Variants in SIL1 observed in about 807,000 individuals in gnomAD.
SIL1 encodes the protein nucleotide exchange factor SIL1.
In SIL1, 40 loss-of-function variants were observed where a neutral mutation model predicts 49.1. The ratio of observed to expected loss-of-function variants is 0.81; its 90% CI spans 0.63 to 1.06. The LOEUF is 1.06. SIL1 is among the 50% of genes least tolerant of loss of function. The pLI is 0.00. For synonymous variants in SIL1, 253 were observed against 250.8 expected (o/e 1.01, Z -0.08); for missense variants, 500 against 572.6 (o/e 0.87, Z 1.29).
chr5:139,030,965 TA>T (rs2150436506), intron 5 of SIL1, among the ~76,000 whole-genome samples: 1 of 152,330 alleles, frequency 6.6e-6, no homozygotes, highest in Admixed American at 6.5e-5. Flanking sequence ...TTGATTATGT[TA>T]AGATTGTTTT....
intron 2 of SIL1, among the ~76,000 whole-genome samples, chr5:139,126,648 A>G (rs1306089857): frequency 6.6e-6 from 1 of 152,218 alleles, no homozygotes; most frequent in Non-Finnish European, 1.5e-5. Context: ...ACAGGATCTC[A>G]GAGGGCATTA....
At chr5:139,012,629 T>C (rs1236813735) in intron 7 of SIL1, 3 of 152,266 alleles carry the variant, frequency 2.0e-5, no homozygotes, top group Admixed American at 6.5e-5. Context: ...TCATGATTTT[T>C]TCTTTTTTCT....
At chr5:139,092,494 G>A (rs1770363454) in intron 3 of SIL1, among the ~76,000 whole-genome samples, 1 of 152,194 alleles carries the variant, frequency 6.6e-6, no homozygotes, top group African/African-American at 2.4e-5. Context: ...AGGCGAAATG[G>A]AAGGGGATGC....
At position 139,054,038 on chromosome 5, in the gene SIL1, T is replaced by A. The variant is rs201790211; in HGVS notation, c.245-2992A>T. ...GCCCTTGCCTATAGTCCCAGCACTT[T>A]GGGAGGCTGAGACGAGGGGATCACC... On this transcript the variant is annotated intron_variant, in intron 3 of 9. Transcript: ENST00000394817. Among the ~76,000 whole-genome samples the A allele has an allele frequency of 1.5e-4, 23 of 152,338 alleles. No individual in the cohort carries two copies. The East Asian group carries it at 4.4e-3, about 29-fold the overall frequency.
At chr5:138,957,211 GCCCT>G (rs1281875709) in intron 7 of SIL1, among the ~76,000 whole-genome samples, 1 of 152,064 alleles carries the variant, frequency 6.6e-6, no homozygotes, top group South Asian at 2.1e-4. Context: ...CTCCAACACA[GCCCT>G]GTGTCACAAT....
At chr5:138,955,108 G>A (rs530865283) in intron 7 of SIL1, among the ~76,000 whole-genome samples, 2 of 152,202 alleles carry the variant, frequency 1.3e-5, no homozygotes, top group Non-Finnish European at 2.9e-5. Flanking sequence ...GGAGGGACCA[G>A]TCCTGCTGGC....
At chr5:139,127,917 G>T in intron 1 of SIL1, 64 bp from the exon 2 acceptor site, 1 of 1,015,600 alleles carries the variant, frequency 9.8e-7, no homozygotes, top group Non-Finnish European at 1.5e-6. Flanking sequence ...CCCCCGCACT[G>T]TGATTCCCAT....
intron 1 of SIL1, among the ~76,000 whole-genome samples, chr5:139,170,136 T>G (rs1010670437): frequency 6.6e-6 from 1 of 152,228 alleles, no homozygotes; most frequent in Non-Finnish European, 1.5e-5. Flanking sequence ...CCCGAGGTGC[T>G]GGGATTGCAG....
chr5:139,024,491 G>A (rs181242366), intron 6 of SIL1, among the ~76,000 whole-genome samples: 2 of 152,312 alleles, frequency 1.3e-5, no homozygotes, highest in Admixed American at 1.3e-4. Flanking sequence ...CACAGATGCT[G>A]GCAAAATCCT....
At chr5:138,987,838 A>G (rs1169875088) in intron 7 of SIL1, among the ~76,000 whole-genome samples, 2 of 152,048 alleles carry the variant, frequency 1.3e-5, no homozygotes, top group Non-Finnish European at 2.9e-5. Flanking sequence ...AAAATAGTTG[A>G]GCTTTTTATT....
chr5:139,112,963 T>A lies in SIL1; in HGVS notation c.244+8072A>T, dbSNP rs1008745534. 3.3e-5 allele frequency among the ~76,000 whole-genome samples: 5 copies of A among 152,378 alleles called. No homozygotes were observed. The East Asian group carries it at 9.6e-4, about 29-fold the overall frequency. On this transcript the variant is annotated intron_variant, in intron 3 of 9. Transcript: ENST00000394817. Reference sequence around the variant, plus strand: ...TTTGTTCTGTACTAAGAAAGATTCTTCTGCCTTGGGATGCTGTTCATCTAT... The same window carrying A: ...TTTGTTCTGTACTAAGAAAGATTCTACTGCCTTGGGATGCTGTTCATCTAT...
intron 7 of SIL1, among the ~76,000 whole-genome samples, chr5:138,974,176 C>A (rs531132526): frequency 6.6e-6 from 1 of 152,158 alleles, no homozygotes. Flanking sequence ...CTCAGGAAAG[C>A]GTGAACTCGG....
intron 1 of SIL1, among the ~76,000 whole-genome samples, chr5:139,169,081 T>C (rs954042900): frequency 6.6e-6 from 1 of 152,140 alleles, no homozygotes; most frequent in Non-Finnish European, 1.5e-5. Context: ...AGGAGTTGGA[T>C]GGTATAGTGC....
Position 139,127,782 on chromosome 5 carries a change from A to G in SIL1, c.62T>C (p.Leu21Pro). 6.2e-7 allele frequency: 1 copy of G among 1,610,936 alleles called. No individual in the cohort carries two copies. ...MAPLGMLLGL[L>P]MAACFTFCLS... is the part of the protein sequence containing the mutation. Reference sequence around the variant, plus strand: ...GCAGAAGGTGAAGCAGGCGGCCATCAGCAGCCCAAGCAGCATGCCCAGAGG... The same window carrying G: ...GCAGAAGGTGAAGCAGGCGGCCATCGGCAGCCCAAGCAGCATGCCCAGAGG... Residue 21 changes from leucine (L) to proline (P), a missense_variant, in exon 2 of 10, where the codon CTG becomes CCG. Leu to Pro is a moderately conservative substitution (Grantham distance 98, BLOSUM62 -3). Coordinates refer to ENST00000394817, the MANE Select transcript of SIL1 (RefSeq NM_022464.5).
intron 7 of SIL1, among the ~76,000 whole-genome samples, chr5:138,962,489 C>A (rs894774275): frequency 6.6e-6 from 1 of 152,248 alleles, no homozygotes; most frequent in African/African-American, 2.4e-5. Context: ...GGATTAATAA[C>A]AATAATATTT....
chr5:138,976,159 C>T lies in SIL1; in HGVS notation c.768-24275G>A, dbSNP rs144103397. Reference sequence around the variant, plus strand: ...GACCTTCACGGCCCAGATATTCCAGCCCTCCAGTCAAGGAAAAGCTTGCAG... The same window carrying T: ...GACCTTCACGGCCCAGATATTCCAGTCCTCCAGTCAAGGAAAAGCTTGCAG... On this transcript the variant is annotated intron_variant, in intron 7 of 9. Coordinates refer to ENST00000394817, the MANE Select transcript of SIL1 (RefSeq NM_022464.5). Among the ~76,000 whole-genome samples the T allele has an allele frequency of 2.5e-3, 378 of 152,296 alleles. 1 individual carries two copies. Among genetic ancestry groups the T allele is most frequent in the African/African-American group, 7.8e-3 (326 of 41,566 alleles).
intron 1 of SIL1, among the ~76,000 whole-genome samples, chr5:139,195,243 T>C (rs1752244499): frequency 1.3e-5 from 2 of 152,064 alleles, no homozygotes; most frequent in South Asian, 2.1e-4. Flanking sequence ...GAGACTCTCA[T>C]GTTCTTTTGA....
chr5:139,133,966 C>T (rs1750920995), intron 1 of SIL1, among the ~76,000 whole-genome samples: 1 of 152,108 alleles, frequency 6.6e-6, no homozygotes, highest in African/African-American at 2.4e-5. Context: ...ATCTTGGACA[C>T]AACTTCACTA....
At chr5:139,003,584 C>G (rs1394593423) in intron 7 of SIL1, among the ~76,000 whole-genome samples, 1 of 152,204 alleles carries the variant, frequency 6.6e-6, no homozygotes, top group African/African-American at 2.4e-5. Context: ...AGTGGGTCAA[C>G]AAAGCTCCTC....
Sources: gnomAD v4.1 joint callset for allele counts (sites outside exome capture counted in the v4.1 genomes callset) on GRCh38, gnomAD v4.1.1 for gene constraint, MANE v1.5 for transcripts, NCBI Gene and HGNC (gene_info 2026-07-23, HGNC 2026-07-21) for gene names.